The following RBFOX1 variants were observed in gnomAD, a reference collection of about 807,000 sequenced individuals.
The protein encoded by RBFOX1 is RNA binding protein fox-1 homolog 1.
A neutral mutation model predicts 57.7 loss-of-function variants in RBFOX1; 8 were observed. The observed-to-expected ratio is 0.14, with a 90% CI of 0.08 to 0.25. The LOEUF is 0.25. RBFOX1 is among the 10% of genes least tolerant of loss of function. The probability of loss-of-function intolerance (pLI) is 1.00; values close to 1 mark genes in which losing one functional copy is unlikely to be tolerated. For synonymous variants in RBFOX1, 326 were observed against 222.4 expected (o/e 1.47, Z -4.15); for missense variants, 611 against 548.5 (o/e 1.11, Z -1.14).
At chr16:6,078,269 A>G (rs79036404) in intron 1 of RBFOX1, among the ~76,000 whole-genome samples, 2,533 of 152,272 alleles carry the variant, frequency 0.017, 60 homozygotes, top group Admixed American at 0.042. Context: ...CTAGTATATT[A>G]TGTTGGTTAA....
intron 4 of RBFOX1, among the ~76,000 whole-genome samples, chr16:7,508,235 T>G (rs561132334): frequency 1.3e-5 from 2 of 152,148 alleles, no homozygotes; most frequent in African/African-American, 2.4e-5. Context: ...GCCTCGGCCT[T>G]CCTAAGTGCT....
intron 1 of RBFOX1, among the ~76,000 whole-genome samples, chr16:5,278,963 C>G (rs1403288027): frequency 1.3e-5 from 2 of 152,236 alleles, no homozygotes; most frequent in South Asian, 2.1e-4. Context: ...TGTTTTAATA[C>G]CAATACACAC....
chr16:7,234,223 T>G (rs2093652906), intron 4 of RBFOX1, among the ~76,000 whole-genome samples: 1 of 152,050 alleles, frequency 6.6e-6, no homozygotes, highest in Non-Finnish European at 1.5e-5. Flanking sequence ...GCTCACATGC[T>G]GGAGGCAGAG....
intron 1 of RBFOX1, among the ~76,000 whole-genome samples, chr16:6,036,188 G>A (rs1307161825): frequency 2.6e-5 from 4 of 152,150 alleles, no homozygotes; most frequent in East Asian, 1.9e-4. Context: ...GCTGCAGGAC[G>A]TTACTGGAAC....
intron 1 of RBFOX1, among the ~76,000 whole-genome samples, chr16:5,374,940 C>A (rs897156199): frequency 2.6e-5 from 4 of 151,774 alleles, no homozygotes; most frequent in African/African-American, 9.7e-5. Context: ...TACTATCCAG[C>A]CTTCTAAAGA....
chr16:6,700,643 A>T lies in RBFOX1; in HGVS notation c.-16+45993A>T, dbSNP rs184200305. Among the ~76,000 whole-genome samples, 435 of 152,178 alleles carry T rather than the reference A, an allele frequency of 2.9e-3. 3 individuals carry two copies. Among genetic ancestry groups the T allele is most frequent in the African/African-American group, 0.01 (418 of 41,516 alleles). On this transcript the variant is annotated intron_variant, in intron 3 of 15. Transcript: ENST00000550418. ...ACTGCACTCCAGCCTGGGCAACAAA[A>T]ACGAAACTTCATCTCAAAAAATAAT...
chr16:7,559,622 C>G (rs753327751), intron 5 of RBFOX1, among the ~76,000 whole-genome samples: 33 of 152,326 alleles, frequency 2.2e-4, no homozygotes, highest in South Asian at 2.1e-4. Flanking sequence ...GTCCTCTAAA[C>G]AGTGATTGTG....
At chr16:5,773,148 G>A (rs1321805535) in intron 3 of RBFOX1, among the ~76,000 whole-genome samples, 1 of 152,166 alleles carries the variant, frequency 6.6e-6, no homozygotes, top group Non-Finnish European at 1.5e-5. Context: ...GGGTTCAGTG[G>A]CTCAACTCCA....
In RBFOX1 at chr16:5,252,827, T is replaced by G. The variant is rs140483420; in HGVS notation, c.219+12722T>G. ...CCTGCAGATGAAACGGAAGCCCTCA[T>G]CCCCACCACCTCCCCCTTCCAGAAA... is the stretch of plus-strand genomic sequence containing the variant. On this transcript the variant is annotated intron_variant, in intron 1 of 2. Transcript: ENST00000585867. Among the ~76,000 whole-genome samples the G allele has an allele frequency of 1.1e-4, 17 of 152,278 alleles. No individual in the cohort carries two copies. In the East Asian group the frequency reaches 3.1e-3, roughly 28 times the overall value.
chr16:6,612,883 G>C (rs148904577), intron 2 of RBFOX1, among the ~76,000 whole-genome samples: 1,670 of 109,598 alleles, frequency 0.015, 34 homozygotes, highest in African/African-American at 0.05. Context: ...AATAATATTT[G>C]TTTGTTCCAG....
intron 4 of RBFOX1, among the ~76,000 whole-genome samples, chr16:7,318,255 C>T (rs1339203656): frequency 6.7e-6 from 1 of 150,010 alleles, no homozygotes; most frequent in Non-Finnish European, 1.5e-5. Context: ...GTGGTGATGG[C>T]AGTGATGGTG....
chr16:7,316,554 G>T (rs1025594478), intron 4 of RBFOX1, among the ~76,000 whole-genome samples: 1 of 152,206 alleles, frequency 6.6e-6, no homozygotes, highest in South Asian at 2.1e-4. Context: ...AGGAAAGCAG[G>T]TCTGCTTTTC....
At chr16:7,546,027 AAAAG>A (rs766156907) in intron 5 of RBFOX1, among the ~76,000 whole-genome samples, 1 of 150,452 alleles carries the variant, frequency 6.6e-6, no homozygotes, top group African/African-American at 2.5e-5. Context: ...AAAAAAAAAA[AAAAG>A]AAAAAGAAAA....
intron 1 of RBFOX1, among the ~76,000 whole-genome samples, chr16:6,141,730 C>A (rs903052058): frequency 1.3e-5 from 2 of 152,070 alleles, no homozygotes; most frequent in African/African-American, 4.8e-5. Flanking sequence ...TTTCATTTTT[C>A]TCCATTGTGT....
chr16:6,080,876 A>G (rs1383446609), intron 1 of RBFOX1, among the ~76,000 whole-genome samples: 46 of 152,158 alleles, frequency 3.0e-4, no homozygotes, highest in Admixed American at 2.9e-3. Flanking sequence ...CCTGTTTAAT[A>G]TCAATCTATT....
intron 1 of RBFOX1, among the ~76,000 whole-genome samples, chr16:5,418,582 G>A (rs2067222751): frequency 6.6e-6 from 1 of 152,106 alleles, no homozygotes; most frequent in Non-Finnish European, 1.5e-5. Flanking sequence ...GAGCTGGAAT[G>A]TGAACCAGTT....
At chr16:6,624,466 T>G (rs2154049720) in intron 2 of RBFOX1, among the ~76,000 whole-genome samples, 1 of 152,272 alleles carries the variant, frequency 6.6e-6, no homozygotes, top group African/African-American at 2.4e-5. Context: ...ACAGCCCTTC[T>G]GAATTTCTCA....
chr16:6,561,307 C>G (rs557602637), intron 2 of RBFOX1, among the ~76,000 whole-genome samples: 1 of 152,234 alleles, frequency 6.6e-6, no homozygotes, highest in East Asian at 1.9e-4. Context: ...TCCATGGTTT[C>G]AGAATTAATA....
chr16:5,935,177 C>T (rs1013038127), intron 4 of RBFOX1, among the ~76,000 whole-genome samples: 9 of 152,212 alleles, frequency 5.9e-5, no homozygotes, highest in African/African-American at 2.2e-4. Flanking sequence ...ATTTTTCCCA[C>T]TACCCTGACC....
Sources: gnomAD v4.1 joint callset for allele counts (sites outside exome capture counted in the v4.1 genomes callset) on GRCh38, gnomAD v4.1.1 for gene constraint, MANE v1.5 for transcripts, NCBI Gene and HGNC (gene_info 2026-07-23, HGNC 2026-07-21) for gene names.